The following PTPRZ1 variants were observed in gnomAD, a reference collection of about 807,000 sequenced individuals.
PTPRZ1 encodes the protein protein tyrosine phosphatase receptor type Z1.
Under a neutral mutation model 214.1 loss-of-function variants are expected in PTPRZ1, and 82 were observed. The ratio of observed to expected loss-of-function variants is 0.38; its 90% confidence interval spans 0.32 to 0.46. The LOEUF (loss-of-function observed/expected upper bound fraction) is 0.46, where lower values mean the gene tolerates loss of function less well. Among genes scored for constraint, PTPRZ1 ranks in the 20% least tolerant of loss-of-function variants. PTPRZ1 has a pLI of 1.00. For synonymous variants in PTPRZ1, 945 were observed against 987.9 expected (o/e 0.96, Z 0.81); for missense variants, 2,603 against 2,748.7 (o/e 0.95, Z 1.19).
intron 1 of PTPRZ1, among the ~76,000 whole-genome samples, chr7:121,916,181 G>A (rs1208829734): frequency 1.3e-5 from 2 of 151,346 alleles, no homozygotes. Flanking sequence ...ATCCGAGGCA[G>A]GAGAATCACT....
chr7:122,029,307 C>T (rs1197606992), intron 14 of PTPRZ1, among the ~76,000 whole-genome samples: 2 of 152,098 alleles, frequency 1.3e-5, no homozygotes, highest in Non-Finnish European at 2.9e-5. Context: ...TTGATAGAGA[C>T]ATCCATTAAT....
At chr7:121,946,500 A>T (rs1456975297) in intron 2 of PTPRZ1, among the ~76,000 whole-genome samples, 1 of 152,218 alleles carries the variant, frequency 6.6e-6, no homozygotes. Flanking sequence ...ACAACAAAGT[A>T]GCGAGAAGGT....
chr7:121,984,232 A>G (rs1797702672), intron 8 of PTPRZ1, 115 bp downstream of exon 8: 2 of 927,616 alleles, frequency 2.2e-6, no homozygotes, highest in African/African-American at 1.7e-5. Context: ...TTTAATTATT[A>G]ATTTTGTAGC....
intron 1 of PTPRZ1, among the ~76,000 whole-genome samples, chr7:121,887,391 G>A (rs1794428453): frequency 6.6e-6 from 1 of 152,044 alleles, no homozygotes; most frequent in Non-Finnish European, 1.5e-5. Context: ...TAAGCAACTC[G>A]AGATCACATT....
intron 17 of PTPRZ1, among the ~76,000 whole-genome samples, chr7:122,035,435 A>G (rs539575562): frequency 1.3e-5 from 2 of 152,350 alleles, no homozygotes; most frequent in African/African-American, 4.8e-5. Context: ...AATAGAACAT[A>G]CGCATCAGGT....
chr7:122,038,669 T>G, intron 18 of PTPRZ1, 86 bp from the exon 19 acceptor site: 1 of 1,308,256 alleles, frequency 7.6e-7, no homozygotes, highest in Non-Finnish European at 1.0e-6. Flanking sequence ...CGAAAAATTA[T>G]GCTGACCTTA....
intron 1 of PTPRZ1, among the ~76,000 whole-genome samples, chr7:121,890,719 G>C (rs1359107945): frequency 6.6e-6 from 1 of 151,946 alleles, no homozygotes; most frequent in Admixed American, 6.6e-5. Context: ...ACCCAGGCTG[G>C]AGTGCAGTGG....
At chr7:121,921,640 T>C (rs1438710522) in intron 1 of PTPRZ1, among the ~76,000 whole-genome samples, 1 of 152,162 alleles carries the variant, frequency 6.6e-6, no homozygotes, top group African/African-American at 2.4e-5. Context: ...TAAAATATCC[T>C]CTTATTTTGC....
intron 1 of PTPRZ1, among the ~76,000 whole-genome samples, chr7:121,908,146 A>G (rs1292208965): frequency 6.6e-6 from 1 of 152,102 alleles, no homozygotes; most frequent in African/African-American, 2.4e-5. Context: ...AGAAGGGTTA[A>G]TCATTTGTCT....
rs1727757526 is a variant in PTPRZ1, at chr7:122,013,729, G to T, written c.4683G>T (p.Glu1561Asp). The change falls in exon 12 of 30, where the codon GAG becomes GAT. Residue 1561 changes from glutamate to aspartate, a missense_variant. Physicochemically the swap from Glu to Asp is conservative, Grantham distance 45 (BLOSUM62 2). Transcript: ENST00000393386. ...SGQGTSDSLN[E>D]NETSTDFSFA... is the part of the protein sequence containing the mutation. ...AAGGTACCTCAGATAGCCTTAATGA[G>T]AATGAGACTTCCACAGATTTCAGTT... is the stretch of plus-strand genomic sequence containing the variant. 6.2e-7 allele frequency: 1 copy of T among 1,614,194 alleles called. No homozygotes were observed. Among genetic ancestry groups the T allele is most frequent in the Non-Finnish European group, 8.5e-7 (1 of 1,180,040 alleles).
rs541809696 is a variant in PTPRZ1 at position 122,013,145 on chromosome 7, G to T, written c.4099G>T (p.Val1367Phe). Residue 1367 changes from valine (V) to phenylalanine (F), a missense_variant, in exon 12 of 30, where the codon GTT (valine) becomes TTT (phenylalanine). Around this residue, in one of 6 missense-constraint regions of PTPRZ1, gnomAD observed 1,913 missense variants for 1,914.3 expected, o/e 1.00. Coordinates refer to ENST00000393386, the MANE Select transcript of PTPRZ1 (RefSeq NM_002851.3). ...SDTFVSTDHS[V>F]PIGNGHVAIT... ...TACATTTGTATCTACTGATCATTCT[G>T]TTCCTATAGGAAATGGGCATGTTGC... 4 of 1,614,014 alleles carry T rather than the reference G, an allele frequency of 2.5e-6. No individual in the cohort carries two copies. The South Asian group carries it at 4.4e-5, about 18-fold the overall frequency.
chr7:121,905,978 G>A (rs1350897409), intron 1 of PTPRZ1, among the ~76,000 whole-genome samples: 1 of 151,894 alleles, frequency 6.6e-6, no homozygotes, highest in Non-Finnish European at 1.5e-5. Context: ...CTAAACAAAG[G>A]GCAAAAAAAC....
At chr7:122,034,018 G>A in intron 15 of PTPRZ1, 77 bp from the exon 16 acceptor site, 2 of 1,345,166 alleles carry the variant, frequency 1.5e-6, no homozygotes, top group Non-Finnish European at 2.1e-6. Flanking sequence ...AACCTAATAT[G>A]AACGCTTTTT....
intron 1 of PTPRZ1, among the ~76,000 whole-genome samples, chr7:121,893,211 T>C: frequency 6.6e-6 from 1 of 152,176 alleles, no homozygotes; most frequent in East Asian, 1.9e-4. Flanking sequence ...TCATTTTTAG[T>C]CACTGTATCA....
intron 23 of PTPRZ1, among the ~76,000 whole-genome samples, chr7:122,049,993 G>T (rs1792119125): frequency 6.6e-6 from 1 of 152,088 alleles, no homozygotes; most frequent in Non-Finnish European, 1.5e-5. Flanking sequence ...TGAAGAAACA[G>T]CAGATTAATC....
chr7:122,057,195 A>G (rs905842342), intron 27 of PTPRZ1, among the ~76,000 whole-genome samples: 5 of 151,826 alleles, frequency 3.3e-5, no homozygotes, highest in South Asian at 2.1e-4. Flanking sequence ...ACTTTACTAA[A>G]TGAATTCAAT....
chr7:121,969,309 C>A (rs148037340), intron 3 of PTPRZ1, among the ~76,000 whole-genome samples: 4,253 of 152,194 alleles, frequency 0.028, 73 homozygotes, highest in African/African-American at 0.049. Flanking sequence ...CGCCTGTAAT[C>A]CCAGCATTTT....
At chr7:121,945,433 A>G (rs1180816607) in intron 2 of PTPRZ1, among the ~76,000 whole-genome samples, 1 of 152,184 alleles carries the variant, frequency 6.6e-6, no homozygotes, top group Non-Finnish European at 1.5e-5. Flanking sequence ...AGATCAAGCC[A>G]TTGTCTTTTT....
rs183699478 is a variant in PTPRZ1 at position 121,986,987 on chromosome 7, C to G, written c.928+2870C>G. Among the ~76,000 whole-genome samples, 12 of 152,244 alleles carry G rather than the reference C, an allele frequency of 7.9e-5. No individual in the cohort carries two copies. In the East Asian group the frequency reaches 2.3e-3, roughly 29 times the overall value. On this transcript the variant is annotated intron_variant, in intron 8 of 29. Coordinates refer to ENST00000393386, the MANE Select transcript of PTPRZ1 (RefSeq NM_002851.3). ...AGTGATGGGGAGAGGCTACAAAACT[C>G]AGCATCTCATCAAAATATCTGCCTA...
Sources: allele counts gnomAD v4.1 joint callset (sites outside exome capture counted in the v4.1 genomes callset), GRCh38; gene constraint gnomAD v4.1.1; regional missense constraint gnomAD v4.1.1; transcripts MANE v1.5; gene names NCBI Gene and HGNC (gene_info 2026-07-23, HGNC 2026-07-21).